CDH13: variants seen among roughly 807,000 people sequenced by gnomAD.
CDH13 encodes cadherin 13, also known as cadherin-13.
In CDH13, 24 loss-of-function variants were observed where a neutral mutation model predicts 63.8. The ratio of observed to expected loss-of-function variants is 0.38; its 90% CI spans 0.27 to 0.53. The LOEUF (loss-of-function observed/expected upper bound fraction) is 0.53. Among genes scored for constraint, CDH13 ranks in the 20% least tolerant of loss-of-function variants. The pLI is 0.85. For synonymous variants in CDH13, 503 were observed against 355.3 expected, an observed-to-expected ratio of 1.42 and a Z score of -4.67; for missense variants, 1,049 against 903.1, an observed-to-expected ratio of 1.16 and a Z score of -2.07.
At chr16:82,953,669 C>G (rs1490056512) in intron 2 of CDH13, 1 of 152,040 alleles carries the variant, frequency 6.6e-6, no homozygotes, top group African/African-American at 2.4e-5. Context: ...TAGATAAAGT[C>G]TTTGAAAACC....
chr16:82,997,850 C>G (rs529680565), intron 2 of CDH13, among the ~76,000 whole-genome samples: 3 of 152,312 alleles, frequency 2.0e-5, no homozygotes, highest in South Asian at 4.2e-4. Flanking sequence ...AAGAGATTAA[C>G]TACCAGTTGC....
At chr16:83,142,992 A>G (rs982634757) in intron 4 of CDH13, among the ~76,000 whole-genome samples, 7 of 152,154 alleles carry the variant, frequency 4.6e-5, no homozygotes, top group African/African-American at 1.7e-4. Flanking sequence ...CATCCCAGCT[A>G]CTCAGGAAGG....
At chr16:83,497,313 A>G (rs1374261548) in intron 7 of CDH13, among the ~76,000 whole-genome samples, 2 of 152,082 alleles carry the variant, frequency 1.3e-5, no homozygotes, top group African/African-American at 4.8e-5. Context: ...CATATACACC[A>G]TGGAATACTA....
chr16:83,498,816 C>T (rs2074206243), intron 7 of CDH13, among the ~76,000 whole-genome samples: 1 of 152,160 alleles, frequency 6.6e-6, no homozygotes, highest in African/African-American at 2.4e-5. Flanking sequence ...AACTTTCATT[C>T]TCATCAGGCC....
At chr16:83,475,305 G>T (rs2073573391) in intron 6 of CDH13, among the ~76,000 whole-genome samples, 1 of 152,164 alleles carries the variant, frequency 6.6e-6, no homozygotes, top group Non-Finnish European at 1.5e-5. Context: ...TGTCGTTTCT[G>T]ACTGAAGCGT....
intron 4 of CDH13, among the ~76,000 whole-genome samples, chr16:83,200,868 T>A (rs1283885130): frequency 6.6e-6 from 1 of 151,860 alleles, no homozygotes; most frequent in Non-Finnish European, 1.5e-5. Context: ...GTTGATCTCA[T>A]TGTATCCATG....
At chr16:83,140,860 C>T (rs1012253693) in intron 4 of CDH13, among the ~76,000 whole-genome samples, 3 of 152,190 alleles carry the variant, frequency 2.0e-5, no homozygotes, top group Non-Finnish European at 2.9e-5. Flanking sequence ...CGGACTGACC[C>T]AAGGTTTAAG....
chr16:83,347,339 G>C (rs1485128574), intron 6 of CDH13, among the ~76,000 whole-genome samples: 2 of 151,556 alleles, frequency 1.3e-5, no homozygotes, highest in African/African-American at 2.4e-5. Flanking sequence ...CTGGGAGTAA[G>C]GGTGGGGGTA....
At chr16:82,726,821 A>C (rs1253836090) in intron 1 of CDH13, among the ~76,000 whole-genome samples, 1 of 152,220 alleles carries the variant, frequency 6.6e-6, no homozygotes, top group Non-Finnish European at 1.5e-5. Flanking sequence ...AATTCTTACA[A>C]CTACATCATG....
intron 3 of CDH13, among the ~76,000 whole-genome samples, chr16:83,107,858 T>G (rs2034852727): frequency 6.6e-6 from 1 of 152,024 alleles, no homozygotes; most frequent in Non-Finnish European, 1.5e-5. Context: ...CTCGCTCTGT[T>G]GCCCAGGCTG....
intron 4 of CDH13, among the ~76,000 whole-genome samples, chr16:83,167,624 A>T (rs1448773667): frequency 6.6e-6 from 1 of 150,908 alleles, no homozygotes; most frequent in Non-Finnish European, 1.5e-5. Context: ...CGTTATCAAG[A>T]CCCTTTCTCT....
At chr16:83,555,312 T>C (rs944443714) in intron 7 of CDH13, among the ~76,000 whole-genome samples, 3 of 152,186 alleles carry the variant, frequency 2.0e-5, no homozygotes, top group Admixed American at 6.5e-5. Context: ...ACCAGCAGCA[T>C]TGAAAACACC....
chr16:83,559,781 A>G (rs761755187), intron 7 of CDH13, among the ~76,000 whole-genome samples: 6 of 152,158 alleles, frequency 3.9e-5, no homozygotes, highest in Non-Finnish European at 7.4e-5. Context: ...GTCACAAAGA[A>G]CAGGGATTGG....
intron 1 of CDH13, among the ~76,000 whole-genome samples, chr16:82,851,704 T>C (rs1039289748): frequency 2.9e-4 from 44 of 151,920 alleles, no homozygotes; most frequent in Non-Finnish European, 7.4e-5. Flanking sequence ...TGTGTGTGCA[T>C]GCACATGTCC....
intron 7 of CDH13, among the ~76,000 whole-genome samples, chr16:83,520,290 C>T (rs1366169568): frequency 1.3e-5 from 2 of 152,098 alleles, no homozygotes; most frequent in Non-Finnish European, 2.9e-5. Flanking sequence ...TTGTATGATT[C>T]CATCGTTTAT....
At chr16:82,911,631 G>A (rs980029706) in intron 2 of CDH13, among the ~76,000 whole-genome samples, 5 of 152,124 alleles carry the variant, frequency 3.3e-5, no homozygotes, top group Admixed American at 6.5e-5. Flanking sequence ...GATAATAAGG[G>A]GTTCTGAAGA....
chr16:83,316,441 C>G (rs1389949984), intron 5 of CDH13, among the ~76,000 whole-genome samples: 1 of 152,152 alleles, frequency 6.6e-6, no homozygotes, highest in Non-Finnish European at 1.5e-5. Context: ...GGGAGCGATG[C>G]AAAAGACAGT....
intron 2 of CDH13, among the ~76,000 whole-genome samples, chr16:82,985,509 C>G (rs912880518): frequency 2.6e-5 from 4 of 152,180 alleles, no homozygotes; most frequent in African/African-American, 4.8e-5. Flanking sequence ...CTCCTCCTTT[C>G]TCTTGCAGAT....
chr16:82,700,030 C>T (rs543206122), intron 1 of CDH13, among the ~76,000 whole-genome samples: 6 of 152,108 alleles, frequency 3.9e-5, no homozygotes, highest in Non-Finnish European at 8.8e-5. Flanking sequence ...AGAAGTTCGC[C>T]TGTTACAGAA....
Sources: gnomAD v4.1 joint callset for allele counts (sites outside exome capture counted in the v4.1 genomes callset) on GRCh38, gnomAD v4.1.1 for gene constraint, MANE v1.5 for transcripts, NCBI Gene and HGNC (gene_info 2026-07-23, HGNC 2026-07-21) for gene names.